ASXL2: variants seen among roughly 807,000 people sequenced by gnomAD.
The protein encoded by ASXL2 is ASXL transcriptional regulator 2, also known as putative Polycomb group protein ASXL2.
A neutral mutation model predicts 122.0 loss-of-function variants in ASXL2; 23 were observed. The ratio of observed to expected loss-of-function variants is 0.19; its 90% CI spans 0.14 to 0.27. The LOEUF (loss-of-function observed/expected upper bound fraction) is 0.27. ASXL2 is among the 10% of genes least tolerant of loss of function. The probability of loss-of-function intolerance (pLI) is 1.00; values close to 1 mark genes in which losing one functional copy is unlikely to be tolerated. For missense variants in ASXL2, 1,518 were observed against 1,713.8 expected, an observed-to-expected ratio of 0.89 and a Z score of 2.02; for synonymous variants, 650 against 637.0, an observed-to-expected ratio of 1.02 and a Z score of -0.31.
At chr2:25,804,079 T>C (rs540340920) in intron 4 of ASXL2, among the ~76,000 whole-genome samples, 2 of 151,956 alleles carry the variant, frequency 1.3e-5, no homozygotes, top group African/African-American at 2.4e-5. Context: ...CAAAAAGAAA[T>C]ACAGAAAGTT....
intron 10 of ASXL2, among the ~76,000 whole-genome samples, chr2:25,755,494 A>C (rs977643904): frequency 1.3e-5 from 2 of 152,236 alleles, no homozygotes; most frequent in African/African-American, 4.8e-5. Flanking sequence ...CTGACTGCCA[A>C]TTAACTGTCC....
At chr2:25,795,256 T>C (rs1364693838) in intron 5 of ASXL2, among the ~76,000 whole-genome samples, 1 of 152,186 alleles carries the variant, frequency 6.6e-6, no homozygotes, top group Non-Finnish European at 1.5e-5. Context: ...GGACAAATAA[T>C]CAATATTATA....
At chr2:25,823,787 G>A (rs1479400250) in intron 3 of ASXL2, among the ~76,000 whole-genome samples, 1 of 146,712 alleles carries the variant, frequency 6.8e-6, no homozygotes, top group African/African-American at 2.5e-5. Context: ...TCATGACAGT[G>A]GGGATTTTTC....
rs964582909 is a variant in ASXL2, at chr2:25,753,613, T to G, written c.1063A>C (p.Arg355=). 5.0e-6 allele frequency: 8 copies of G among 1,613,576 alleles called. No individual in the cohort carries two copies. In the African/African-American group the frequency reaches 1.1e-4, roughly 22 times the overall value. The part of the protein sequence containing the change: ...EGEFTPEMQV[R]IRQEIEKEKK... Reference sequence around the variant, plus strand: ...TCCTTCTCAATCTCTTGTCGAATTCTCACCTGCATCTCAGGTGTAAACTCA... The same window carrying G: ...TCCTTCTCAATCTCTTGTCGAATTCGCACCTGCATCTCAGGTGTAAACTCA... The change falls in exon 11 of 13, where the codon AGA becomes CGA. Residue 355 remains arginine (R), a synonymous_variant. Transcript: ENST00000435504.
At chr2:25,824,407 C>T (rs887812579) in intron 3 of ASXL2, among the ~76,000 whole-genome samples, 1 of 152,088 alleles carries the variant, frequency 6.6e-6, no homozygotes, top group Non-Finnish European at 1.5e-5. Context: ...CTCATTCTTA[C>T]ATTTTAATGT....
At chr2:25,778,367 A>G (rs2088580962) in intron 5 of ASXL2, among the ~76,000 whole-genome samples, 1 of 152,200 alleles carries the variant, frequency 6.6e-6, no homozygotes, top group Non-Finnish European at 1.5e-5. Context: ...TAAGGCAAGG[A>G]AGTCAGCAAG....
At chr2:25,864,861 C>A (rs370737017) in intron 1 of ASXL2, among the ~76,000 whole-genome samples, 1 of 148,590 alleles carries the variant, frequency 6.7e-6, no homozygotes, top group Admixed American at 6.7e-5. Flanking sequence ...GACGGAGTTT[C>A]GCTCTCGTTG....
At chr2:25,801,799 A>G (rs1396196041) in intron 4 of ASXL2, among the ~76,000 whole-genome samples, 1 of 152,116 alleles carries the variant, frequency 6.6e-6, no homozygotes, top group East Asian at 1.9e-4. Flanking sequence ...TATTTCTTCC[A>G]AACAACCATA....
chr2:25,766,629 T>C (rs1212019768), intron 8 of ASXL2, among the ~76,000 whole-genome samples: 2 of 152,212 alleles, frequency 1.3e-5, no homozygotes, highest in Admixed American at 1.3e-4. Flanking sequence ...TCGAACACGA[T>C]GGGAGGAAGA....
rs566396724 is a variant in ASXL2, at chr2:25,845,272, T to C, written c.140+209A>G. 1.1e-5 allele frequency: 8 copies of C among 757,238 alleles called. No individual in the cohort carries two copies. The East Asian group carries it at 3.1e-4, about 29-fold the overall frequency. 46.9% of individuals were successfully genotyped at this position (757,238 alleles called of 1,614,324 possible). A position where few individuals can be genotyped will look rare whatever the true frequency, so the allele number is the denominator to read the frequency against. Reference sequence around the variant, plus strand: ...CATGGGCTTAAAGATAGCTACCCTCTAAGAATTGGTTTTAAAACCTTCTGG... The same window carrying C: ...CATGGGCTTAAAGATAGCTACCCTCCAAGAATTGGTTTTAAAACCTTCTGG... On this transcript the variant is annotated intron_variant, in intron 2 of 12. Transcript: ENST00000435504.
At chr2:25,751,559 G>A (rs536741893) in intron 11 of ASXL2, among the ~76,000 whole-genome samples, 7 of 151,890 alleles carry the variant, frequency 4.6e-5, no homozygotes, top group South Asian at 2.1e-4. Flanking sequence ...GCCTAAGCCC[G>A]GGAGATTAAG....
At chr2:25,764,601 T>C (rs1004070850) in intron 8 of ASXL2, among the ~76,000 whole-genome samples, 11 of 152,212 alleles carry the variant, frequency 7.2e-5, no homozygotes, top group African/African-American at 2.4e-4. Context: ...CCACTGATGA[T>C]AAAGGTAGGT....
At chr2:25,843,324 A>C (rs2089610219) in intron 2 of ASXL2, among the ~76,000 whole-genome samples, 1 of 147,622 alleles carries the variant, frequency 6.8e-6, no homozygotes. Flanking sequence ...AAAAAAATAG[A>C]GACGGGGTTT....
intron 9 of ASXL2, among the ~76,000 whole-genome samples, chr2:25,756,633 T>C (rs1366255797): frequency 6.6e-6 from 1 of 152,202 alleles, no homozygotes; most frequent in Non-Finnish European, 1.5e-5. Context: ...GTTGACATCA[T>C]TTCCCCCTGG....
intron 9 of ASXL2, among the ~76,000 whole-genome samples, chr2:25,757,940 A>G (rs2088168441): frequency 7.4e-6 from 1 of 134,390 alleles, no homozygotes. Flanking sequence ...AAAAAAAAAA[A>G]AGATGAGAGC....
At position 25,878,314 on chromosome 2, in the gene ASXL2, C is replaced by A; in HGVS notation, c.-92G>T. On this transcript the variant is annotated 5_prime_UTR_variant, in exon 1 of 13. Coordinates refer to ENST00000435504, the MANE Select transcript of ASXL2 (RefSeq NM_018263.6). Reference sequence around the variant, plus strand: ...CCCTGCGCTGCTTTTCCCGCGGTGCCGGGAAAGGTGGGAGAAAAGGGAAGT... The same window carrying A: ...CCCTGCGCTGCTTTTCCCGCGGTGCAGGGAAAGGTGGGAGAAAAGGGAAGT... 1 of 1,367,966 alleles carries A rather than the reference C, an allele frequency of 7.3e-7. No homozygotes were observed. The highest frequency in any genetic ancestry group is 1.2e-5 in the South Asian group (1 of 82,280). The allele number at this position is 1,367,966 out of a possible 1,614,324, so 84.7% of individuals were successfully genotyped here.
At chr2:25,833,569 G>A (rs1050891884) in intron 3 of ASXL2, among the ~76,000 whole-genome samples, 7 of 152,028 alleles carry the variant, frequency 4.6e-5, no homozygotes, top group South Asian at 4.1e-4. Context: ...GGTAGCGTGC[G>A]CCTGTAATCT....
At chr2:25,802,654 G>C (rs2089017922) in intron 4 of ASXL2, among the ~76,000 whole-genome samples, 1 of 152,058 alleles carries the variant, frequency 6.6e-6, no homozygotes, top group Non-Finnish European at 1.5e-5. Flanking sequence ...TCTCAGGATG[G>C]GGGTTAGTTT....
chr2:25,792,630 T>C (rs2088851845), intron 5 of ASXL2, among the ~76,000 whole-genome samples: 1 of 152,048 alleles, frequency 6.6e-6, no homozygotes. Context: ...TGAAACAGTG[T>C]CTCACTTTGT....
Sources: allele counts gnomAD v4.1 joint callset (sites outside exome capture counted in the v4.1 genomes callset), GRCh38; gene constraint gnomAD v4.1.1; transcripts MANE v1.5; gene names NCBI Gene and HGNC (gene_info 2026-07-23, HGNC 2026-07-21).